TBC1D4: variants seen among roughly 807,000 people sequenced by gnomAD.
TBC1D4 encodes the protein TBC1 domain family member 4, also known as TBC (Tre-2, BUB2, CDC16) domain-containing protein.
TBC1D4 carries 121 observed loss-of-function variants against 142.5 expected under a neutral mutation model. That is an observed-to-expected ratio of 0.85 (90% CI 0.73 to 0.99). TBC1D4 has a LOEUF of 0.99. TBC1D4 is among the 50% of genes least tolerant of loss of function. The probability of loss-of-function intolerance (pLI) is 0.00; values close to 1 mark genes in which losing one functional copy is unlikely to be tolerated. For synonymous variants in TBC1D4, 630 were observed against 628.2 expected (o/e 1.00, Z -0.04); for missense variants, 1,475 against 1,606.6 (o/e 0.92, Z 1.40).
At chr13:75,327,693 C>T (rs1047426429) in intron 9 of TBC1D4, 59 bp downstream of exon 9, 3 of 1,495,336 alleles carry the variant, frequency 2.0e-6, no homozygotes, top group South Asian at 1.1e-5. Flanking sequence ...ATGCATATTA[C>T]CATATCGGTG....
At chr13:75,462,042 T>C (rs1156500090) in intron 1 of TBC1D4, among the ~76,000 whole-genome samples, 3 of 152,236 alleles carry the variant, frequency 2.0e-5, no homozygotes, top group Non-Finnish European at 4.4e-5. Flanking sequence ...GGTCACAGTG[T>C]GGTGATGACA....
chr13:75,380,366 G>A (rs1377267029), intron 1 of TBC1D4, among the ~76,000 whole-genome samples: 4 of 151,616 alleles, frequency 2.6e-5, no homozygotes, highest in Non-Finnish European at 5.9e-5. Context: ...CCAGCTACTC[G>A]GGAGGCTAAG....
At chr13:75,452,592 C>T (rs1467995336) in intron 1 of TBC1D4, among the ~76,000 whole-genome samples, 1 of 152,170 alleles carries the variant, frequency 6.6e-6, no homozygotes, top group Non-Finnish European at 1.5e-5. Context: ...AACCTGCCAA[C>T]TAATTTCGAT....
chr13:75,462,693 T>A (rs1888020809), intron 1 of TBC1D4, among the ~76,000 whole-genome samples: 2 of 152,152 alleles, frequency 1.3e-5, no homozygotes, highest in Non-Finnish European at 2.9e-5. Context: ...GTAGCCCAAA[T>A]GACTATAAAT....
rs1289236014 is a variant in TBC1D4 at position 75,412,279 on chromosome 13, T to G, written c.499-49672A>C. Among the ~76,000 whole-genome samples, 4 of 152,150 alleles carry G rather than the reference T, an allele frequency of 2.6e-5. 1 individual carries two copies. The highest frequency in any genetic ancestry group is 4.4e-5 in the Non-Finnish European group (3 of 67,966). ...GATGGCCTAAAAGACGTGGGGTTTT[T>G]TTTGTTTGTTTGTTTTTCTTTTGAG... On this transcript the variant is annotated intron_variant, in intron 1 of 20. Transcript: ENST00000377636.
chr13:75,391,032 C>CCACACACACA (rs71127539), intron 1 of TBC1D4, among the ~76,000 whole-genome samples: 11 of 136,708 alleles, frequency 8.0e-5, no homozygotes, highest in African/African-American at 3.1e-4. Flanking sequence ...TATTCCCCCA[C>CCACACACACA]CACACACACA....
At chr13:75,420,060 C>T (rs1001980652) in intron 1 of TBC1D4, among the ~76,000 whole-genome samples, 3 of 152,110 alleles carry the variant, frequency 2.0e-5, no homozygotes, top group Non-Finnish European at 4.4e-5. Flanking sequence ...GAGGGAGGAA[C>T]ATATCAGAAG....
intron 1 of TBC1D4, among the ~76,000 whole-genome samples, chr13:75,379,548 C>T (rs1416581141): frequency 2.6e-5 from 4 of 152,132 alleles, no homozygotes; most frequent in Admixed American, 2.6e-4. Context: ...TTTAAGAATC[C>T]AATAGCCTCT....
intron 14 of TBC1D4, among the ~76,000 whole-genome samples, chr13:75,307,820 T>C (rs1877336332): frequency 6.6e-6 from 1 of 152,260 alleles, no homozygotes; most frequent in South Asian, 2.1e-4. Context: ...TCTAACACTG[T>C]CTAGCTTGGC....
chr13:75,416,368 A>G (rs957089610), intron 1 of TBC1D4, among the ~76,000 whole-genome samples: 2 of 152,222 alleles, frequency 1.3e-5, no homozygotes, highest in African/African-American at 4.8e-5. Context: ...ATTTTTAATG[A>G]AAATTATATT....
chr13:75,410,632 T>G (rs543380962), intron 1 of TBC1D4, among the ~76,000 whole-genome samples: 1 of 152,192 alleles, frequency 6.6e-6, no homozygotes, highest in African/African-American at 2.4e-5. Flanking sequence ...AAAAAATAAC[T>G]ACTTTAGAAA....
At chr13:75,408,983 T>C (rs1453325623) in intron 1 of TBC1D4, among the ~76,000 whole-genome samples, 1 of 152,056 alleles carries the variant, frequency 6.6e-6, no homozygotes, top group African/African-American at 2.4e-5. Flanking sequence ...TGATATATGA[T>C]TGCAAACTTA....
intron 5 of TBC1D4, among the ~76,000 whole-genome samples, chr13:75,346,521 C>T (rs1881163237): frequency 6.6e-6 from 1 of 152,198 alleles, no homozygotes; most frequent in African/African-American, 2.4e-5. Flanking sequence ...TGTATATGTG[C>T]TACATTTTCT....
chr13:75,424,309 G>GAAAGAAAGAAAAGAATAAAAGA (rs1566480561), intron 1 of TBC1D4, among the ~76,000 whole-genome samples: 8 of 148,012 alleles, frequency 5.4e-5, no homozygotes, highest in Non-Finnish European at 8.9e-5. Context: ...AAGAAAAAAA[G>GAAAGAAAGAAAAGAATAAAAGA]AAAAAATTGT....
At chr13:75,298,057 T>C (rs1012185778) in intron 17 of TBC1D4, among the ~76,000 whole-genome samples, 2 of 152,040 alleles carry the variant, frequency 1.3e-5, no homozygotes, top group Non-Finnish European at 2.9e-5. Context: ...TTGTTATACA[T>C]TGGCAACTGA....
intron 1 of TBC1D4, among the ~76,000 whole-genome samples, chr13:75,417,349 C>T (rs543794348): frequency 6.6e-6 from 1 of 152,312 alleles, no homozygotes; most frequent in South Asian, 2.1e-4. Context: ...TCCTGCACCA[C>T]CTGCCCCGGG....
rs1883719880 is a variant in TBC1D4, at chr13:75,379,885, CTCTTT to C, written c.499-17283_499-17279del. Among the ~76,000 whole-genome samples, 37 of 98,558 alleles carry C rather than the reference CTCTTT, an allele frequency of 3.8e-4. 5 individuals carry two copies. The highest frequency in any genetic ancestry group is 7.6e-3 in the Middle Eastern group (1 of 132). 64.7% of individuals were successfully genotyped at this position (98,558 alleles called of 152,430 possible). On this transcript the variant is annotated intron_variant, in intron 1 of 20. Coordinates refer to ENST00000377636, the MANE Select transcript of TBC1D4 (RefSeq NM_014832.5). The stretch of plus-strand genomic sequence containing the variant: ...AAGTATATCAGTTTTGTTCATCTGA[CTCTTT>C]TTTTTTTTTTTTTTTTTTTTTTTTT...
chr13:75,385,767 T>C lies in TBC1D4; in HGVS notation c.499-23160A>G, dbSNP rs988796019. 3.9e-5 allele frequency among the ~76,000 whole-genome samples: 6 copies of C among 152,346 alleles called. No homozygotes were observed. In the South Asian group the frequency reaches 1.2e-3, roughly 32 times the overall value. ...CCTTTGATCCTTTGAGGTAATTCTATTATTATCCTCATTTTACTGATAAGA... is the reference window on the plus strand; with the variant it reads ...CCTTTGATCCTTTGAGGTAATTCTACTATTATCCTCATTTTACTGATAAGA... On this transcript the variant is annotated intron_variant, in intron 1 of 20. Transcript: ENST00000377636.
intron 1 of TBC1D4, among the ~76,000 whole-genome samples, chr13:75,437,462 C>A (rs1886845966): frequency 6.6e-6 from 1 of 152,074 alleles, no homozygotes; most frequent in African/African-American, 2.4e-5. Context: ...TTGTATTATT[C>A]TTTCAATGTT....
Sources: gnomAD v4.1 joint callset for allele counts (sites outside exome capture counted in the v4.1 genomes callset) on GRCh38, gnomAD v4.1.1 for gene constraint, MANE v1.5 for transcripts, NCBI Gene and HGNC (gene_info 2026-07-23, HGNC 2026-07-21) for gene names.